LAMC2: variants seen among roughly 807,000 people sequenced by gnomAD.
The protein encoded by LAMC2 is laminin subunit gamma 2.
Under a neutral mutation model 140.2 loss-of-function variants are expected in LAMC2, and 97 were observed. The observed-to-expected ratio is 0.69, with a 90% CI of 0.59 to 0.82. LAMC2 has a LOEUF of 0.82. Ranked by LOEUF, LAMC2 falls within the 40% of genes least tolerant of loss-of-function variation. The pLI is 0.00. For synonymous variants in LAMC2, 513 were observed against 540.2 expected, an observed-to-expected ratio of 0.95 and a Z score of 0.70; for missense variants, 1,402 against 1,476.1, an observed-to-expected ratio of 0.95 and a Z score of 0.82.
At chr1:183,247,529 C>CAA (rs371988499), downstream of LAMC2, among the ~76,000 whole-genome samples, 843 of 106,018 alleles carry the variant, frequency 8.0e-3, 7 homozygotes, top group African/African-American at 0.022. Context: ...AATTTTAAGC[C>CAA]AAAAAAAAAA....
At chr1:183,208,215 G>T in intron 2 of LAMC2, 146 bp downstream of exon 2, 6 of 720,510 alleles carry the variant, frequency 8.3e-6, no homozygotes, top group Admixed American at 4.4e-5. Flanking sequence ...AGAGGGAGAT[G>T]TTCAACCTCA....
At chr1:183,205,540 CA>C (rs1658856272) in intron 1 of LAMC2, among the ~76,000 whole-genome samples, 1 of 152,100 alleles carries the variant, frequency 6.6e-6, no homozygotes, top group African/African-American at 2.4e-5. Flanking sequence ...CAGTACTGGT[CA>C]TATGAAGAAG....
Position 183,243,573 on chromosome 1 carries a change from A to G in LAMC2, c.*173A>G, listed in dbSNP as rs1431063755. 6.8e-6 allele frequency: 5 copies of G among 737,888 alleles called. No individual in the cohort carries two copies. The East Asian group carries it at 1.3e-4, about 19-fold the overall frequency. The allele number at this position is 737,888 out of a possible 1,614,324, so 45.7% of individuals were successfully genotyped here. A position where few individuals can be genotyped will look rare whatever the true frequency, so the allele number is the denominator to read the frequency against. ...CATGGCCAGGTGGTTGTCTTATTGCACCATACTCCTTGCTTCCTGATGCTG... is the reference window on the plus strand; with the variant it reads ...CATGGCCAGGTGGTTGTCTTATTGCGCCATACTCCTTGCTTCCTGATGCTG... On this transcript the variant is annotated 3_prime_UTR_variant, in exon 23 of 23. Transcript: ENST00000264144.
chr1:183,250,104 A>G (rs1457509380), downstream of LAMC2: 1 of 152,158 alleles, frequency 6.6e-6, no homozygotes, highest in Non-Finnish European at 1.5e-5. Flanking sequence ...AATTCCATCC[A>G]TAACTCCAAG....
At chr1:183,201,483 T>G (rs1328590917) in intron 1 of LAMC2, among the ~76,000 whole-genome samples, 1 of 152,194 alleles carries the variant, frequency 6.6e-6, no homozygotes, top group Admixed American at 6.5e-5. Flanking sequence ...CCTAACTCCA[T>G]TTCCCCATAA....
At chr1:183,223,792 C>T (rs942843935) in intron 7 of LAMC2, among the ~76,000 whole-genome samples, 3 of 152,030 alleles carry the variant, frequency 2.0e-5, no homozygotes, top group Non-Finnish European at 1.5e-5. Flanking sequence ...ATGAAGTCGG[C>T]GATAGGAGTG....
intron 1 of LAMC2, among the ~76,000 whole-genome samples, chr1:183,206,474 A>G (rs1211955469): frequency 6.6e-6 from 1 of 152,084 alleles, no homozygotes; most frequent in African/African-American, 2.4e-5. Context: ...GCGAAACCCC[A>G]TCTCTACCAA....
intron 3 of LAMC2, among the ~76,000 whole-genome samples, chr1:183,217,913 A>G (rs1659327465): frequency 6.6e-6 from 1 of 152,248 alleles, no homozygotes; most frequent in South Asian, 2.1e-4. Context: ...ATTGCATGGC[A>G]TATGAATTAT....
rs1164601215 is a variant in LAMC2, at chr1:183,245,119, G to A, written c.*1719G>A. ...ACTGATGCTGTCTTCTAAGCATAAA[G>A]CTTTATTTCTAGAAAAACTCTAGCT... On this transcript the variant is annotated 3_prime_UTR_variant, in exon 23 of 23. Coordinates refer to ENST00000264144, the MANE Select transcript of LAMC2 (RefSeq NM_005562.3). Among the ~76,000 whole-genome samples, 1 of 152,132 alleles carries A rather than the reference G, an allele frequency of 6.6e-6. No individual in the cohort carries two copies. Among genetic ancestry groups the A allele is most frequent in the Non-Finnish European group, 1.5e-5 (1 of 68,016 alleles).
chr1:183,209,768 C>T (rs1205146154), intron 2 of LAMC2, among the ~76,000 whole-genome samples: 1 of 152,110 alleles, frequency 6.6e-6, no homozygotes, highest in African/African-American at 2.4e-5. Context: ...GGTTATTAGT[C>T]TCAGGGTAGA....
chr1:183,202,800 C>G (rs1271333063), intron 1 of LAMC2, among the ~76,000 whole-genome samples: 4 of 152,112 alleles, frequency 2.6e-5, no homozygotes, highest in Non-Finnish European at 5.9e-5. Context: ...TTCTTTCCCC[C>G]CAAATTGCAT....
chr1:183,190,828 C>T (rs986288684), intron 1 of LAMC2, among the ~76,000 whole-genome samples: 1 of 152,138 alleles, frequency 6.6e-6, no homozygotes, highest in African/African-American at 2.4e-5. Context: ...CAGTTATATT[C>T]ATCTCACCAG....
At chr1:183,252,515 G>T in the LAMC2 span, 2 of 748,282 alleles carry the variant, frequency 2.7e-6, no homozygotes, top group South Asian at 1.5e-5. Flanking sequence ...CCCACACTAT[G>T]GGGGGTTAAG....
At chr1:183,253,148 T>C in the LAMC2 span, among the ~76,000 whole-genome samples, 1 of 151,396 alleles carries the variant, frequency 6.6e-6, no homozygotes, top group Non-Finnish European at 1.5e-5. Flanking sequence ...AATTGTATTG[T>C]GTATATTTAA....
chr1:183,195,920 A>G (rs932580286), intron 1 of LAMC2, among the ~76,000 whole-genome samples: 1 of 152,220 alleles, frequency 6.6e-6, no homozygotes, highest in African/African-American at 2.4e-5. Context: ...AAAAGTCCTT[A>G]TAAGCATTTT....
At chr1:183,219,489 A>G (rs1356861501) in intron 4 of LAMC2, among the ~76,000 whole-genome samples, 1 of 152,160 alleles carries the variant, frequency 6.6e-6, no homozygotes, top group Non-Finnish European at 1.5e-5. Flanking sequence ...CCTAGAAGTG[A>G]CCACTATTCT....
Position 183,228,840 on chromosome 1 carries a change from G to C in LAMC2, c.1714+221G>C, listed in dbSNP as rs561458597. Among the ~76,000 whole-genome samples, 11 of 152,296 alleles carry C rather than the reference G, an allele frequency of 7.2e-5. No individual in the cohort carries two copies. Among genetic ancestry groups the C allele is most frequent in the African/African-American group, 2.6e-4 (11 of 41,566 alleles). ...TGGAAGACAGAGCTGGGTTAAAGCT[G>C]GGTGGGAGAAGTGAAAAAGGTCAGG... On this transcript the variant is annotated intron_variant, in intron 11 of 22. Transcript: ENST00000264144. This position sits in a 1 kb window ranked among gnomAD's most constrained non-coding sequence, Gnocchi z 4.3.
chr1:183,197,171 T>C (rs1658545106), intron 1 of LAMC2, among the ~76,000 whole-genome samples: 1 of 152,142 alleles, frequency 6.6e-6, no homozygotes, highest in African/African-American at 2.4e-5. Flanking sequence ...TGATTGAGGT[T>C]TGGTCTAGAT....
At chr1:183,251,024 C>T in the LAMC2 span, 1 of 152,148 alleles carries the variant, frequency 6.6e-6, no homozygotes, top group Non-Finnish European at 1.5e-5. Flanking sequence ...ACACAAAGCA[C>T]AAGACAGCAA....
Sources: allele counts gnomAD v4.1 joint callset (sites outside exome capture counted in the v4.1 genomes callset), GRCh38; gene constraint gnomAD v4.1.1; non-coding constraint Gnocchi (gnomAD v3.1); transcripts MANE v1.5; gene names NCBI Gene and HGNC (gene_info 2026-07-23, HGNC 2026-07-21).